Variants in TRIM67 observed in about 807,000 individuals in gnomAD.
The protein encoded by TRIM67 is tripartite motif containing 67, also known as tripartite motif-containing protein 67.
Under a neutral mutation model 71.0 loss-of-function variants are expected in TRIM67, and 39 were observed. That is an observed-to-expected ratio of 0.55 (90% CI 0.43 to 0.72). The LOEUF is 0.72. TRIM67 is among the 30% of genes least tolerant of loss of function. The pLI, the probability that TRIM67 is intolerant of heterozygous loss-of-function variation, is 0.00. For synonymous variants in TRIM67, 481 were observed against 473.9 expected (o/e 1.01, Z -0.19); for missense variants, 973 against 1,079.2 (o/e 0.90, Z 1.38).
intron 1 of TRIM67, chr1:231,184,989 T>G (rs1296675859): frequency 6.5e-7 from 1 of 1,528,966 alleles, no homozygotes; most frequent in South Asian, 1.2e-5. Context: ...TGCTCCTGAA[T>G]GGGTGGCCGG....
chr1:231,191,991 G>A (rs1683241831), intron 1 of TRIM67, among the ~76,000 whole-genome samples: 1 of 152,238 alleles, frequency 6.6e-6, no homozygotes, highest in South Asian at 2.1e-4. Context: ...GGGAGCTGAT[G>A]CAGCTTTCCT....
intron 1 of TRIM67, among the ~76,000 whole-genome samples, 168 bp downstream of exon 1, chr1:231,164,181 A>T (rs1682387161): frequency 1.3e-5 from 2 of 152,180 alleles, no homozygotes; most frequent in Non-Finnish European, 2.9e-5. Context: ...ACAAACAGGT[A>T]AGGGACTCCC....
chr1:231,187,590 A>G lies in TRIM67; in HGVS notation c.1045-9781A>G, dbSNP rs566334344. 2.7e-4 allele frequency: 411 copies of G among 1,526,686 alleles called. No individual in the cohort carries two copies. In the Middle Eastern group the frequency reaches 3.0e-3, roughly 11 times the overall value. The allele number at this position is 1,526,686 out of a possible 1,614,324, so 94.6% of individuals were successfully genotyped here. A position where few individuals can be genotyped will look rare whatever the true frequency, so the allele number is the denominator to read the frequency against. On this transcript the variant is annotated intron_variant, in intron 1 of 9. Coordinates refer to ENST00000366653, the MANE Select transcript of TRIM67 (RefSeq NM_001004342.5). ...CATTTCACAACCTCCTTTGTGCCCA[A>G]TGATGGTGTGAAACTCTCAGTGAAG...
At chr1:231,200,664 G>A (rs1405695187) in intron 4 of TRIM67, among the ~76,000 whole-genome samples, 4 of 152,162 alleles carry the variant, frequency 2.6e-5, no homozygotes, top group African/African-American at 7.2e-5. Flanking sequence ...CAATTTTCTC[G>A]GGGCCATCTC....
chr1:231,213,746 T>C, intron 8 of TRIM67, 69 bp from the exon 9 acceptor site: 1 of 1,483,322 alleles, frequency 6.7e-7, no homozygotes, highest in Non-Finnish European at 9.0e-7. Flanking sequence ...AAGTAAATAA[T>C]TCTCCTGAGT....
At chr1:231,195,842 A>T (rs530460076) in intron 1 of TRIM67, among the ~76,000 whole-genome samples, 1 of 152,336 alleles carries the variant, frequency 6.6e-6, no homozygotes, top group South Asian at 2.1e-4. Context: ...TGATCAGCAG[A>T]TCTGGGGTGC....
intron 3 of TRIM67, among the ~76,000 whole-genome samples, chr1:231,199,638 G>A (rs974573775): frequency 7.2e-5 from 11 of 152,126 alleles, no homozygotes; most frequent in African/African-American, 2.4e-4. Context: ...ACTCAGCCAG[G>A]CACCCATGAA....
At chr1:231,181,249 C>A (rs1682898697) in intron 1 of TRIM67, among the ~76,000 whole-genome samples, 2 of 152,198 alleles carry the variant, frequency 1.3e-5, no homozygotes, top group South Asian at 4.1e-4. Flanking sequence ...CAGGCGTGAG[C>A]CACTGCACCT....
At position 231,207,286 on chromosome 1, in the gene TRIM67, C is replaced by T. The variant is rs555206930; in HGVS notation, c.1819+496C>T. On this transcript the variant is annotated intron_variant, in intron 7 of 9. Transcript: ENST00000366653. ...CCACGATAGATGCAGTGGGCCCACA[C>T]CAGTCCCTACATTTGAGCCTTTCTC... Among the ~76,000 whole-genome samples the T allele has an allele frequency of 6.8e-4, 103 of 152,336 alleles. 1 individual carries two copies. In the Middle Eastern group the frequency reaches 0.014, roughly 20 times the overall value.
At chr1:231,199,851 G>C (rs11122250) in intron 3 of TRIM67, among the ~76,000 whole-genome samples, 39,095 of 152,162 alleles carry the variant, frequency 0.26, 6,833 homozygotes, top group African/African-American at 0.49. Context: ...AGAAGCTGGT[G>C]GCTGATTGTA....
chr1:231,164,351 T>G (rs981493194), intron 1 of TRIM67, among the ~76,000 whole-genome samples: 5 of 152,206 alleles, frequency 3.3e-5, no homozygotes, highest in Admixed American at 6.5e-5. Context: ...GTTACCTTGA[T>G]GGTCCCTTTT....
intron 5 of TRIM67, 122 bp downstream of exon 5, chr1:231,201,639 A>G: frequency 8.0e-7 from 1 of 1,255,860 alleles, no homozygotes; most frequent in Non-Finnish European, 1.1e-6. Context: ...GTGGGAGAGC[A>G]GGAGCGCCAG....
At chr1:231,183,225 T>A (rs1682956168) in intron 1 of TRIM67, among the ~76,000 whole-genome samples, 1 of 152,152 alleles carries the variant, frequency 6.6e-6, no homozygotes, top group South Asian at 2.1e-4. Context: ...TTGTTGGGCA[T>A]CCTAACCACT....
chr1:231,165,907 A>T (rs1682447972), intron 1 of TRIM67, among the ~76,000 whole-genome samples: 1 of 152,222 alleles, frequency 6.6e-6, no homozygotes, highest in African/African-American at 2.4e-5. Context: ...GAATTAGTGA[A>T]GAGTGGAAAC....
Position 231,218,880 on chromosome 1 carries a change from T to C in TRIM67, c.*3440T>C. On this transcript the variant is annotated 3_prime_UTR_variant, in exon 10 of 10. Transcript: ENST00000366653. ...TTTGCGCCCTTTCTCTCCCTCTTGG[T>C]GCCCCTGCCCTCCGCCCCACCACAG... 1 of 985,496 alleles carries C rather than the reference T, an allele frequency of 1.0e-6. No homozygotes were observed. The highest frequency in any genetic ancestry group is 1.2e-6 in the Non-Finnish European group (1 of 829,976). The allele number at this position is 985,496 out of a possible 1,614,324, so 61.0% of individuals were successfully genotyped here.
intron 7 of TRIM67, among the ~76,000 whole-genome samples, chr1:231,207,694 G>T (rs764711835): frequency 6.6e-6 from 1 of 152,108 alleles, no homozygotes; most frequent in Non-Finnish European, 1.5e-5. Context: ...GCCCAGCCAG[G>T]GACACTTTTC....
Position 231,162,940 on chromosome 1 carries a change from C to G in TRIM67, c.-30C>G, listed in dbSNP as rs566382604. On this transcript the variant is annotated 5_prime_UTR_variant, in exon 1 of 10. Transcript: ENST00000366653. ...CCGAGCTCCGGCCATTCATCCCCAG[C>G]GCAGAGCAGCGCTGGCAGCCGGCGC... 1 of 1,602,512 alleles carries G rather than the reference C, an allele frequency of 6.2e-7. No homozygotes were observed. The highest frequency in any genetic ancestry group is 1.3e-5 in the African/African-American group (1 of 74,506).
At position 231,209,065 on chromosome 1, in the gene TRIM67, C is replaced by T; in HGVS notation, c.1938C>T (p.Phe646=). The part of the protein sequence containing the change: ...DDRVVLGTAA[F]SKGVHYWELH... ...GGGTGGTGCTGGGCACAGCTGCGTT[C>T]TCCAAGGGCGTGCACTACTGGGAGC... Residue 646 remains phenylalanine, a synonymous_variant, in exon 8 of 10, where the codon TTC becomes TTT. Transcript: ENST00000366653. This position sits in a 1 kb window ranked among gnomAD's most constrained non-coding sequence, Gnocchi z 4.1. 6.2e-7 allele frequency: 1 copy of T among 1,613,980 alleles called. No individual in the cohort carries two copies. The highest frequency in any genetic ancestry group is 1.3e-5 in the African/African-American group (1 of 75,044).
rs1371658732 is a variant in TRIM67, at chr1:231,216,371, A to C, written c.*931A>C. 1.0e-6 allele frequency: 1 copy of C among 985,358 alleles called. No individual in the cohort carries two copies. Among genetic ancestry groups the C allele is most frequent in the East Asian group, 1.1e-4 (1 of 8,828 alleles). 61.0% of individuals were successfully genotyped at this position (985,358 alleles called of 1,614,324 possible). A position where few individuals can be genotyped will look rare whatever the true frequency, so the allele number is the denominator to read the frequency against. On this transcript the variant is annotated 3_prime_UTR_variant, in exon 10 of 10. Coordinates refer to ENST00000366653, the MANE Select transcript of TRIM67 (RefSeq NM_001004342.5). ...GTTCTTAAATCCACGTGAAAACACA[A>C]GAATTTTAACAACTATGTCATAGGT...
Sources: allele counts gnomAD v4.1 joint callset (sites outside exome capture counted in the v4.1 genomes callset), GRCh38; gene constraint gnomAD v4.1.1; non-coding constraint Gnocchi (gnomAD v3.1); transcripts MANE v1.5; gene names NCBI Gene and HGNC (gene_info 2026-07-23, HGNC 2026-07-21).